C2: variants seen among roughly 807,000 people sequenced by gnomAD.
The protein encoded by C2 is C3/C5 convertase.
C2 carries 64 observed loss-of-function variants against 85.2 expected under a neutral mutation model. That is an observed-to-expected ratio of 0.75 (90% CI 0.61 to 0.92). C2 has a LOEUF of 0.92. Among genes scored for constraint, C2 ranks in the 40% least tolerant of loss-of-function variants. C2 has a pLI of 0.00. For missense variants in C2, 820 were observed against 971.6 expected, an observed-to-expected ratio of 0.84 and a Z score of 2.07; for synonymous variants, 311 against 370.8, an observed-to-expected ratio of 0.84 and a Z score of 1.85.
intron 1 of C2, among the ~76,000 whole-genome samples, chr6:31,913,654 C>CT (rs879899319): frequency 2.7e-4 from 41 of 149,342 alleles, no homozygotes; most frequent in South Asian, 4.3e-4. Context: ...GGAGTTTACT[C>CT]TTTTTTTTTT....
At chr6:31,932,787 C>T (rs1479497051) in intron 3 of C2, among the ~76,000 whole-genome samples, 3 of 152,320 alleles carry the variant, frequency 2.0e-5, no homozygotes, top group African/African-American at 4.8e-5. Flanking sequence ...GAGGTTGTAG[C>T]GAGCCAAGAT....
Position 31,922,026 on chromosome 6 carries a change from G to C in C2, c.-100+2000G>C, listed in dbSNP as rs1288341992. Among the ~76,000 whole-genome samples the C allele has an allele frequency of 3.9e-5, 6 of 152,104 alleles. No individual in the cohort carries two copies. The highest frequency in any genetic ancestry group is 1.4e-4 in the African/African-American group (6 of 41,432). ...TTATCCCATGGTCCAGGGTGAGGGA[G>C]CCCAGTATTTATACCAATCAGTCAT... is the stretch of plus-strand genomic sequence containing the variant. On this transcript the variant is annotated intron_variant, in intron 1 of 3. Coordinates refer to the C2 transcript ENST00000413154. The surrounding 1 kb of genome is among the most constrained non-coding windows in gnomAD (Gnocchi z 4.8).
chr6:31,909,571 G>A (rs1026933100), intron 1 of C2, among the ~76,000 whole-genome samples: 30 of 151,722 alleles, frequency 2.0e-4, no homozygotes, highest in Non-Finnish European at 2.5e-4. Context: ...GATTATAGGC[G>A]TGAGCCATGG....
chr6:31,908,380 G>A (rs945663300), intron 1 of C2, among the ~76,000 whole-genome samples: 1 of 151,424 alleles, frequency 6.6e-6, no homozygotes, highest in African/African-American at 2.4e-5. Flanking sequence ...GGCTGGGTGG[G>A]GTGACTCACT....
intron 1 of C2, among the ~76,000 whole-genome samples, chr6:31,905,811 T>G (rs138660214): frequency 5.9e-5 from 9 of 152,086 alleles, no homozygotes; most frequent in African/African-American, 1.9e-4. Flanking sequence ...CATAGCAGCT[T>G]ACTTTGAAAA....
intron 6 of C2, 68 bp downstream of exon 6, chr6:31,934,367 C>T (rs778245730): frequency 6.2e-7 from 1 of 1,606,370 alleles, no homozygotes; most frequent in South Asian, 1.1e-5. Flanking sequence ...TGTCTCCTTC[C>T]CCTCCTCAGA....
upstream of C2, among the ~76,000 whole-genome samples, chr6:31,923,796 C>T (rs1769112656): frequency 7.3e-6 from 1 of 136,844 alleles, no homozygotes; most frequent in South Asian, 2.4e-4. Context: ...GCCTCTGAGG[C>T]TCTTATTTAT....
At position 31,944,773 on chromosome 6, in the gene C2, C is replaced by G; in HGVS notation, c.1949C>G (p.Pro650Arg). ...GTCTCCCAAGAAAAAACCATGTTCCCCAACTTGACAGATGTCAGGGAGGTG... is the reference window on the plus strand; with the variant it reads ...GTCTCCCAAGAAAAAACCATGTTCCGCAACTTGACAGATGTCAGGGAGGTG... Reference protein sequence around the residue: ...EVVSQEKTMFPNLTDVREVVT... With the variant: ...EVVSQEKTMFRNLTDVREVVT... The change falls in exon 16 of 18, where the codon CCC (proline) becomes CGC (arginine). Residue 650 changes from proline to arginine, a missense_variant. Pro to Arg is a moderately radical substitution (Grantham distance 103). Transcript: ENST00000299367. The surrounding 1 kb of genome is among the most constrained non-coding windows in gnomAD (Gnocchi z 5.1). 1.9e-6 allele frequency: 3 copies of G among 1,613,094 alleles called. No individual in the cohort carries two copies. In the South Asian group the frequency reaches 3.3e-5, roughly 18 times the overall value.
intron 1 of C2, among the ~76,000 whole-genome samples, chr6:31,913,263 G>A (rs1377081277): frequency 6.6e-6 from 1 of 151,994 alleles, no homozygotes; most frequent in African/African-American, 2.4e-5. Flanking sequence ...ATACTTCAGT[G>A]AGGGCATTTT....
chr6:31,934,773 G>A (rs1770268936), intron 6 of C2: 2 of 782,806 alleles, frequency 2.6e-6, no homozygotes, highest in Non-Finnish European at 3.2e-6. Context: ...ACTTTGGGAG[G>A]CCGAGGCAGG....
rs1183835316 is a variant in C2 at position 31,928,823 on chromosome 6, G to A, written c.348G>A (p.Glu116=). ...CCGTGGGTGGCAATGTGAGCTTCGA[G>A]TGTGAGGATGGCTTCATATTGCGGG... ...SYPVGGNVSF[E]CEDGFILRGS... The change falls in exon 3 of 18, where the codon GAG becomes GAA. Residue 116 remains glutamate, a synonymous_variant. Coordinates refer to ENST00000299367, the MANE Select transcript of C2 (RefSeq NM_000063.6). The A allele has an allele frequency of 3.1e-6, 5 of 1,614,128 alleles. No individual in the cohort carries two copies. The highest frequency in any genetic ancestry group is 4.2e-6 in the Non-Finnish European group (5 of 1,180,054).
At chr6:31,899,234 T>A (rs1766984212), upstream of C2, among the ~76,000 whole-genome samples, 1 of 151,644 alleles carries the variant, frequency 6.6e-6, no homozygotes. Flanking sequence ...GTGTTCTTTC[T>A]TTTCTAAGTG....
At chr6:31,942,615 C>T (rs1188668571) in intron 9 of C2, among the ~76,000 whole-genome samples, 1 of 152,010 alleles carries the variant, frequency 6.6e-6, no homozygotes, top group Non-Finnish European at 1.5e-5. Flanking sequence ...GGGAAGGCCT[C>T]ACTGAGAAGG....
upstream of C2, among the ~76,000 whole-genome samples, chr6:31,925,717 A>G (rs1452684278): frequency 2.0e-5 from 3 of 152,180 alleles, no homozygotes. Context: ...GAAGTGATAC[A>G]TATCACTTGT....
chr6:31,905,804 A>G (rs1159105660), intron 1 of C2, among the ~76,000 whole-genome samples: 2 of 151,960 alleles, frequency 1.3e-5, no homozygotes, highest in African/African-American at 2.4e-5. Context: ...ATGAGTCCAT[A>G]GCAGCTTACT....
intron 1 of C2, among the ~76,000 whole-genome samples, chr6:31,907,031 T>A (rs557230612): frequency 2.6e-5 from 4 of 151,418 alleles, no homozygotes; most frequent in Admixed American, 2.0e-4. Context: ...TCCCAGCTAC[T>A]CAGGAGGCTG....
chr6:31,919,715 G>A (rs1201574103), upstream of C2, among the ~76,000 whole-genome samples: 1 of 152,076 alleles, frequency 6.6e-6, no homozygotes, highest in East Asian at 1.9e-4. Flanking sequence ...TAGTTTAAAA[G>A]TGTATATTAT....
chr6:31,927,911 T>C lies in C2; in HGVS notation c.47-44T>C. ...TTGCTTTCCTTTTCTCATCTGTGTC[T>C]TCCTTCTTTCTCCATTGCTGTCTCC... On this transcript the variant is annotated intron_variant, in intron 1 of 17. Coordinates refer to ENST00000299367, the MANE Select transcript of C2 (RefSeq NM_000063.6). The surrounding 1 kb of genome is among the most constrained non-coding windows in gnomAD (Gnocchi z 4.7). 1 of 1,598,332 alleles carries C rather than the reference T, an allele frequency of 6.3e-7. No individual in the cohort carries two copies.
At chr6:31,906,168 C>T (rs1044677666) in intron 1 of C2, among the ~76,000 whole-genome samples, 1 of 151,986 alleles carries the variant, frequency 6.6e-6, no homozygotes, top group Non-Finnish European at 1.5e-5. Flanking sequence ...CTGCCCTCAG[C>T]GCAGGAACCC....
Sources: allele counts gnomAD v4.1 joint callset (sites outside exome capture counted in the v4.1 genomes callset), GRCh38; gene constraint gnomAD v4.1.1; non-coding constraint Gnocchi (gnomAD v3.1); transcripts MANE v1.5; gene names NCBI Gene and HGNC (gene_info 2026-07-23, HGNC 2026-07-21).